Variants in PLXNA1 observed in about 807,000 individuals in gnomAD.
The protein encoded by PLXNA1 is plexin A1, also known as plexin-A1.
In PLXNA1, 77 loss-of-function variants were observed where a neutral mutation model predicts 191.7. That is an observed-to-expected ratio of 0.40 (90% CI 0.33 to 0.49). The LOEUF (loss-of-function observed/expected upper bound fraction) is 0.49. Among genes scored for constraint, PLXNA1 ranks in the 20% least tolerant of loss-of-function variants. The probability of loss-of-function intolerance (pLI) is 0.63; values close to 1 mark genes in which losing one functional copy is unlikely to be tolerated. For missense variants in PLXNA1, 2,110 were observed against 2,660.2 expected (o/e 0.79, Z 4.55); for synonymous variants, 1,137 against 1,156.4 (o/e 0.98, Z 0.34).
chr3:127,029,280 G>C (rs1263487092), intron 26 of PLXNA1, among the ~76,000 whole-genome samples, 160 bp from the exon 27 acceptor site: 1 of 152,200 alleles, frequency 6.6e-6, no homozygotes, highest in East Asian at 1.9e-4. Context: ...GGATTGCCTA[G>C]CATCCCTGGG....
At chr3:126,993,964 C>T (rs889524196) in intron 3 of PLXNA1, among the ~76,000 whole-genome samples, 4 of 152,184 alleles carry the variant, frequency 2.6e-5, no homozygotes, top group African/African-American at 9.7e-5. Flanking sequence ...TCTCCTTGCC[C>T]ATTGTGTGGC....
At chr3:127,029,243 C>A in intron 26 of PLXNA1, 147 bp downstream of exon 26, 3 of 798,098 alleles carry the variant, frequency 3.8e-6, no homozygotes, top group South Asian at 1.6e-5. Context: ...GTGTGTGGAC[C>A]GTCCCAGGAC....
At chr3:127,027,761 T>C (rs1418897886) in intron 23 of PLXNA1, 179 bp from the exon 24 acceptor site, 2 of 810,282 alleles carry the variant, frequency 2.5e-6, no homozygotes, top group Non-Finnish European at 2.1e-6. Context: ...TGTTTCCTGA[T>C]TTTCTTGCAG....
At chr3:126,988,456 G>A (rs2078971821) in intron 1 of PLXNA1, 65 bp from the exon 2 acceptor site, 5 of 807,668 alleles carry the variant, frequency 6.2e-6, no homozygotes, top group Non-Finnish European at 9.4e-6. Context: ...CTCACACTGG[G>A]AGATCATAAT....
chr3:127,013,222 G>C (rs561949122), intron 10 of PLXNA1, among the ~76,000 whole-genome samples: 1 of 152,214 alleles, frequency 6.6e-6, no homozygotes, highest in East Asian at 1.9e-4. Context: ...CCAACTCTTC[G>C]CCTGCCCTGC....
chr3:127,033,376 A>T (rs1301032931), intron 31 of PLXNA1, among the ~76,000 whole-genome samples: 1 of 152,194 alleles, frequency 6.6e-6, no homozygotes, highest in African/African-American at 2.4e-5. Context: ...CTGAGGGCTA[A>T]GAAGGCCACG....
rs2079244655 is a variant in PLXNA1 at position 127,036,584 on chromosome 3, C to T, written c.*2567C>T. ...CCCTCTGCCAGGTCGTGGAGTTAGG[C>T]CCCAGTCCCTACTTGTCACTGGTTC... On this transcript the variant is annotated 3_prime_UTR_variant, in exon 32 of 32. Transcript: ENST00000393409. The T allele has an allele frequency of 6.6e-6, 1 of 152,438 alleles. No homozygotes were observed. Among genetic ancestry groups the T allele is most frequent in the Admixed American group, 6.5e-5 (1 of 15,280 alleles). The allele number at this position is 152,438 out of a possible 1,614,324, so 9.4% of individuals were successfully genotyped here.
intron 9 of PLXNA1, 63 bp downstream of exon 9, chr3:127,007,976 C>A: frequency 8.9e-7 from 1 of 1,129,416 alleles, no homozygotes; most frequent in Non-Finnish European, 1.3e-6. Flanking sequence ...GTTGAGACAT[C>A]CCATCTGGGT....
At chr3:127,029,640 G>T in intron 27 of PLXNA1, 104 bp downstream of exon 27, 1 of 1,289,290 alleles carries the variant, frequency 7.8e-7, no homozygotes, top group Non-Finnish European at 1.1e-6. Context: ...GAGGACCCAG[G>T]GGCAGGTGTC....
At position 127,017,160 on chromosome 3, in the gene PLXNA1, C is replaced by G. The variant is rs1243667973; in HGVS notation, c.3276+123C>G. On this transcript the variant is annotated intron_variant, in intron 17 of 31. Transcript: ENST00000393409. The stretch of plus-strand genomic sequence containing the variant: ...CTGCCCCTTCCCAGCTTATGCCAAC[C>G]TTGGCTGTGCCTGGAGACCCCTGGG... 17 of 1,051,750 alleles carry G rather than the reference C, an allele frequency of 1.6e-5. No individual in the cohort carries two copies. In the South Asian group the frequency reaches 2.5e-4, roughly 16 times the overall value. 65.2% of individuals were successfully genotyped at this position (1,051,750 alleles called of 1,614,324 possible). A position where few individuals can be genotyped will look rare whatever the true frequency, so the allele number is the denominator to read the frequency against.
intron 26 of PLXNA1, 82 bp downstream of exon 26, chr3:127,029,178 G>A: frequency 8.7e-7 from 1 of 1,146,546 alleles, no homozygotes; most frequent in East Asian, 2.4e-5. Flanking sequence ...TTTGCAGCAT[G>A]TGGGCTGGAC....
At position 127,015,236 on chromosome 3, in the gene PLXNA1, C is replaced by G; in HGVS notation, c.2930C>G (p.Thr977Ser). 1 of 1,613,574 alleles carries G rather than the reference C, an allele frequency of 6.2e-7. No homozygotes were observed. Among genetic ancestry groups the G allele is most frequent in the Non-Finnish European group, 8.5e-7 (1 of 1,179,876 alleles). The change falls in exon 15 of 32, where the codon ACC becomes AGC. Residue 977 changes from threonine to serine, a missense_variant. This residue lies in a region of PLXNA1 where 644 missense variants were observed against 714.3 expected (regional missense o/e 0.90). Coordinates refer to ENST00000393409, the MANE Select transcript of PLXNA1 (RefSeq NM_032242.4). The stretch of plus-strand genomic sequence containing the variant: ...TCCCGTGGGCCTCTGTCAGGGGGCA[C>G]CTGGATTGGCATCGAGGGAAGCCAC... ...SPSRGPLSGG[T>S]WIGIEGSHLN...
intron 1 of PLXNA1, among the ~76,000 whole-genome samples, chr3:126,987,223 G>A (rs140816645): frequency 1.8e-4 from 28 of 152,358 alleles, no homozygotes; most frequent in Non-Finnish European, 3.8e-4. Context: ...AGAGTCATCT[G>A]CCTACAGAGT....
At position 126,989,167 on chromosome 3, in the gene PLXNA1, G is replaced by A. The variant is rs757660956; in HGVS notation, c.574G>A (p.Asp192Asn). 21 of 1,613,374 alleles carry A rather than the reference G, an allele frequency of 1.3e-5. No individual in the cohort carries two copies. The highest frequency in any genetic ancestry group is 2.2e-5 in the East Asian group (1 of 44,890). The change falls in exon 2 of 32, where the codon GAT (aspartate) becomes AAT (asparagine). Residue 192 changes from aspartate (D) to asparagine (N), a missense_variant. Physicochemically the swap from Asp to Asn is conservative, Grantham distance 23 (BLOSUM62 1). Coordinates refer to ENST00000393409, the MANE Select transcript of PLXNA1 (RefSeq NM_032242.4). ...QAKLFVGTPI[D>N]GKSEYFPTLS... The stretch of plus-strand genomic sequence containing the variant: ...CAAGCTCTTCGTGGGCACACCCATC[G>A]ATGGCAAGTCCGAGTACTTCCCCAC...
chr3:127,021,791 A>G (rs1342463477), intron 21 of PLXNA1, among the ~76,000 whole-genome samples: 2 of 152,158 alleles, frequency 1.3e-5, no homozygotes, highest in African/African-American at 4.8e-5. Context: ...CACCTTTGTC[A>G]TGTCGGCTTG....
intron 4 of PLXNA1, 48 bp from the exon 5 acceptor site, chr3:127,004,563 G>C (rs1337849777): frequency 1.5e-6 from 2 of 1,365,814 alleles, no homozygotes; most frequent in Admixed American, 2.0e-5. Flanking sequence ...GGATGGTCAA[G>C]GACCCCTGGG....
chr3:127,014,843 GCCCTCCCTCT>G lies in PLXNA1; in HGVS notation c.2877+14_2877+23del. Reference sequence around the variant, plus strand: ...GCTTCACCTTCGTGGTGAGTCTGCTGCCCTCCCTCTCTCCCTATTCTCTGCTGCTCTGAGA... The same window carrying G: ...GCTTCACCTTCGTGGTGAGTCTGCTGCTCCCTATTCTCTGCTGCTCTGAGA... On this transcript the variant is annotated intron_variant, in intron 14 of 31. Transcript: ENST00000393409. The G allele has an allele frequency of 6.2e-7, 1 of 1,609,760 alleles. No homozygotes were observed. Among genetic ancestry groups the G allele is most frequent in the Non-Finnish European group, 8.5e-7 (1 of 1,178,522 alleles).
intron 1 of PLXNA1, among the ~76,000 whole-genome samples, chr3:126,985,569 C>T (rs2078954361): frequency 1.3e-5 from 2 of 150,136 alleles, no homozygotes; most frequent in Admixed American, 1.3e-4. Flanking sequence ...TGAGGCCTTT[C>T]CCCGGCCACA....
In PLXNA1 at chr3:127,017,737, C is replaced by T. The variant is rs747009808; in HGVS notation, c.3517-12C>T. The T allele has an allele frequency of 2.5e-6, 4 of 1,613,302 alleles. No homozygotes were observed. The highest frequency in any genetic ancestry group is 2.5e-6 in the Non-Finnish European group (3 of 1,180,010). On this transcript the variant is annotated splice_polypyrimidine_tract_variant and intron_variant, in intron 18 of 31. Transcript: ENST00000393409. ...CTCGTCCTGGGCTCTGGCTCACCCC[C>T]ATCTCCTACAGGGCCGGAACCTCTT...
Sources: gnomAD v4.1 joint callset for allele counts (sites outside exome capture counted in the v4.1 genomes callset) on GRCh38, gnomAD v4.1.1 for gene constraint, gnomAD v4.1.1 regional missense constraint, MANE v1.5 for transcripts, NCBI Gene and HGNC (gene_info 2026-07-23, HGNC 2026-07-21) for gene names.